Variants in MPHOSPH9 observed in about 807,000 individuals in gnomAD.
MPHOSPH9 encodes the protein M-phase phosphoprotein 9.
MPHOSPH9 carries 88 observed loss-of-function variants against 145.5 expected under a neutral mutation model. The ratio of observed to expected loss-of-function variants is 0.60; its 90% CI spans 0.51 to 0.72. The LOEUF (loss-of-function observed/expected upper bound fraction) is 0.72. Ranked by LOEUF, MPHOSPH9 falls within the 30% of genes least tolerant of loss-of-function variation. The pLI is 0.00. For synonymous variants in MPHOSPH9, 435 were observed against 486.2 expected (o/e 0.89, Z 1.39); for missense variants, 1,238 against 1,386.6 (o/e 0.89, Z 1.70).
chr12:123,162,296 G>GATGCCAGCT, intron 20 of MPHOSPH9, 78 bp from the exon 21 acceptor site: 2 of 658,490 alleles, frequency 3.0e-6, no homozygotes, highest in Admixed American at 2.9e-5. Flanking sequence ...AGATGAGCTG[G>GATGCCAGCT]CATCCAGCTA....
intron 20 of MPHOSPH9, 102 bp downstream of exon 20, chr12:123,162,912 C>T (rs2044166235): frequency 2.6e-6 from 3 of 1,145,304 alleles, no homozygotes; most frequent in East Asian, 2.9e-5. Flanking sequence ...ACAGAGTTCC[C>T]ACTGGTAACT....
chr12:123,164,550 C>T (rs1350162677), intron 18 of MPHOSPH9, among the ~76,000 whole-genome samples: 1 of 152,218 alleles, frequency 6.6e-6, no homozygotes. Context: ...AAAGACACTA[C>T]TTGCCTTATC....
At position 123,156,732 on chromosome 12, in the gene MPHOSPH9, T is replaced by C. The variant is rs1277815199; in HGVS notation, c.*75A>G. The C allele has an allele frequency of 6.1e-6, 7 of 1,144,210 alleles. No individual in the cohort carries two copies. Among genetic ancestry groups the C allele is most frequent in the Non-Finnish European group, 7.7e-6 (6 of 777,980 alleles). 70.9% of individuals were successfully genotyped at this position (1,144,210 alleles called of 1,614,324 possible). On this transcript the variant is annotated 3_prime_UTR_variant, in exon 24 of 24. Transcript: ENST00000606320. ...TTGAAGGCTTATAAACAGTACAAAATAGTTTGCCTTTTCTGACTGCATAAT... is the reference window on the plus strand; with the variant it reads ...TTGAAGGCTTATAAACAGTACAAAACAGTTTGCCTTTTCTGACTGCATAAT...
At chr12:123,218,521 A>G (rs1175869020) in intron 5 of MPHOSPH9, 22 bp from the exon 6 acceptor site, 1 of 1,605,158 alleles carries the variant, frequency 6.2e-7, no homozygotes, top group African/African-American at 1.3e-5. Flanking sequence ...GAGAAAACCA[A>G]AATTACTTTT....
intron 7 of MPHOSPH9, among the ~76,000 whole-genome samples, chr12:123,211,516 C>T (rs1247921000): frequency 6.6e-6 from 1 of 150,838 alleles, no homozygotes; most frequent in Non-Finnish European, 1.5e-5. Flanking sequence ...CCAAGCCCTG[C>T]TAATTTTTTT....
At chr12:123,201,531 C>T (rs1447232578) in intron 11 of MPHOSPH9, among the ~76,000 whole-genome samples, 1 of 151,954 alleles carries the variant, frequency 6.6e-6, no homozygotes, top group Non-Finnish European at 1.5e-5. Flanking sequence ...AGGTACACGC[C>T]ACCATGCCCA....
At chr12:123,221,322 T>C (rs749733695) in intron 5 of MPHOSPH9, 50 bp downstream of exon 5, 1 of 1,384,350 alleles carries the variant, frequency 7.2e-7, no homozygotes. Flanking sequence ...AAAGGAACAC[T>C]AGATTCTAAA....
intron 3 of MPHOSPH9, among the ~76,000 whole-genome samples, chr12:123,224,788 A>C (rs1473592811): frequency 6.6e-6 from 1 of 152,314 alleles, no homozygotes; most frequent in East Asian, 1.9e-4. Context: ...AACAAACTTA[A>C]GTTTCAAAAT....
At chr12:123,222,018 T>C in intron 4 of MPHOSPH9, 123 bp from the exon 5 acceptor site, 3 of 670,150 alleles carry the variant, frequency 4.5e-6, no homozygotes, top group Non-Finnish European at 7.3e-6. Context: ...AATGTGATAC[T>C]TTATCTTTAG....
chr12:123,163,855 A>C (rs1488018439), intron 19 of MPHOSPH9, 95 bp downstream of exon 19: 1 of 1,494,628 alleles, frequency 6.7e-7, no homozygotes, highest in Admixed American at 1.8e-5. Flanking sequence ...CTGAGGATAC[A>C]AGAGAAACCA....
chr12:123,205,416 C>G (rs1468577136), intron 8 of MPHOSPH9, among the ~76,000 whole-genome samples: 3 of 151,940 alleles, frequency 2.0e-5, no homozygotes, highest in Non-Finnish European at 2.9e-5. Flanking sequence ...TGTGGTGGTG[C>G]GTGCCTGTAA....
chr12:123,208,373 C>T (rs2046542059), intron 8 of MPHOSPH9, among the ~76,000 whole-genome samples: 3 of 151,252 alleles, frequency 2.0e-5, no homozygotes, highest in Admixed American at 1.3e-4. Context: ...CCCGTCTCTA[C>T]TAAAAATACA....
intron 21 of MPHOSPH9, 24 bp downstream of exon 21, chr12:123,162,091 C>T: frequency 7.2e-7 from 1 of 1,389,728 alleles, no homozygotes; most frequent in Non-Finnish European, 9.9e-7. Context: ...AAAACCATAA[C>T]TAATATTTTT....
rs1011991576 is a variant in MPHOSPH9, at chr12:123,166,518, A to G, written c.2591+137T>C. 8 of 987,170 alleles carry G rather than the reference A, an allele frequency of 8.1e-6. No individual in the cohort carries two copies. The African/African-American group carries it at 1.3e-4, about 16-fold the overall frequency. 61.2% of individuals were successfully genotyped at this position (987,170 alleles called of 1,614,324 possible). On this transcript the variant is annotated intron_variant, in intron 17 of 23. Coordinates refer to ENST00000606320, the MANE Select transcript of MPHOSPH9 (RefSeq NM_022782.4). ...ATATTCTAAAAGTAGTAGCCTTTCA[A>G]AGTAAAATAAAAGTCAGGTTCTCAA...
intron 13 of MPHOSPH9, among the ~76,000 whole-genome samples, chr12:123,186,595 T>C (rs746468031): frequency 1.3e-5 from 2 of 152,158 alleles, no homozygotes; most frequent in Non-Finnish European, 2.9e-5. Context: ...AGTTAGGATC[T>C]AGATCTTCAT....
chr12:123,208,462 G>C (rs1163007865), intron 8 of MPHOSPH9, among the ~76,000 whole-genome samples: 2 of 151,018 alleles, frequency 1.3e-5, no homozygotes, highest in African/African-American at 2.4e-5. Flanking sequence ...ACTTGAACCC[G>C]GGAGGCAGAG....
intron 7 of MPHOSPH9, 96 bp downstream of exon 7, chr12:123,214,648 A>C (rs2046882609): frequency 1.2e-6 from 1 of 861,826 alleles, no homozygotes. Flanking sequence ...AAATGTAGGC[A>C]AGTTGTTTTT....
upstream of MPHOSPH9, among the ~76,000 whole-genome samples, chr12:123,234,319 A>C (rs955438886): frequency 2.0e-5 from 3 of 150,134 alleles, no homozygotes; most frequent in African/African-American, 7.4e-5. Context: ...GGAATAACAG[A>C]TCTGCCAGGA....
chr12:123,243,169 C>T (rs1045643038), intron 1 of MPHOSPH9, among the ~76,000 whole-genome samples: 2 of 152,156 alleles, frequency 1.3e-5, no homozygotes, highest in Non-Finnish European at 2.9e-5. Context: ...TTCCTTGGCA[C>T]ACTCCATTTC....
Sources: allele counts gnomAD v4.1 joint callset (sites outside exome capture counted in the v4.1 genomes callset), GRCh38; gene constraint gnomAD v4.1.1; transcripts MANE v1.5; gene names NCBI Gene and HGNC (gene_info 2026-07-23, HGNC 2026-07-21).